ADGRG7: variants seen among roughly 807,000 people sequenced by gnomAD.
ADGRG7 encodes the protein G-protein coupled receptor 128.
In ADGRG7, 82 loss-of-function variants were observed where a neutral mutation model predicts 88.6. The ratio of observed to expected loss-of-function variants is 0.93; its 90% CI spans 0.77 to 1.11. The LOEUF is 1.11. Among genes scored for constraint, ADGRG7 ranks in the 50% most tolerant of loss-of-function variants. ADGRG7 has a pLI of 0.00. For missense variants in ADGRG7, 945 were observed against 953.4 expected (o/e 0.99, Z 0.12); for synonymous variants, 381 against 345.2 (o/e 1.10, Z -1.15).
chr3:100,633,266 G>A lies in ADGRG7; in HGVS notation c.336G>A (p.Ala112=), dbSNP rs114672200. Reference sequence around the variant, plus strand: ...ATAAAAAATTTCTTTGTATTAAAGCGGGCAATCCAATGGCAGTCCGGTTGT... The same window carrying A: ...ATAAAAAATTTCTTTGTATTAAAGCAGGCAATCCAATGGCAGTCCGGTTGT... ...LQTCGKDTPN[A]GNPMAVRLCS... is the part of the protein sequence containing the mutation. The change falls in exon 4 of 16, where the codon GCG becomes GCA. Residue 112 remains alanine (A), a splice_region_variant and synonymous_variant. Transcript: ENST00000273352. 166 of 1,430,344 alleles carry A rather than the reference G, an allele frequency of 1.2e-4. No homozygotes were observed. In the East Asian group the frequency reaches 3.7e-3, roughly 32 times the overall value. The allele number at this position is 1,430,344 out of a possible 1,614,324, so 88.6% of individuals were successfully genotyped here.
At chr3:100,667,660 A>G (rs2094953588) in intron 14 of ADGRG7, among the ~76,000 whole-genome samples, 1 of 152,214 alleles carries the variant, frequency 6.6e-6, no homozygotes, top group Non-Finnish European at 1.5e-5. Flanking sequence ...TCTTTATCAT[A>G]GAATGATTTA....
chr3:100,691,148 T>C (rs1484824117), intron 15 of ADGRG7, among the ~76,000 whole-genome samples: 1 of 152,220 alleles, frequency 6.6e-6, no homozygotes, highest in Non-Finnish European at 1.5e-5. Flanking sequence ...TCCATGGGCG[T>C]AGGACCCTCC....
intron 10 of ADGRG7, 103 bp from the exon 11 acceptor site, chr3:100,649,592 G>T: frequency 5.0e-6 from 3 of 599,906 alleles, no homozygotes; most frequent in East Asian, 2.9e-5. Flanking sequence ...GATATATCTG[G>T]CAACTGTCTG....
At chr3:100,650,079 G>T (rs1419673161) in intron 11 of ADGRG7, among the ~76,000 whole-genome samples, 1 of 152,178 alleles carries the variant, frequency 6.6e-6, no homozygotes, top group Non-Finnish European at 1.5e-5. Context: ...GCTCATTAAT[G>T]CTATAATTCC....
At chr3:100,665,566 G>T (rs1576331569) in intron 14 of ADGRG7, 1 of 376,986 alleles carries the variant, frequency 2.7e-6, no homozygotes, top group East Asian at 7.1e-5. Flanking sequence ...ACAGATCAAG[G>T]TTAAGTATCA....
chr3:100,633,324 C>T lies in ADGRG7; in HGVS notation c.394C>T (p.Gln132Ter), dbSNP rs768591973. 6.3e-7 allele frequency: 1 copy of T among 1,589,618 alleles called. No homozygotes were observed. Residue 132 changes from glutamine (Q) to a stop codon, truncating the protein, a stop_gained, in exon 4 of 16, where the codon CAA becomes TAA. Coordinates refer to ENST00000273352, the MANE Select transcript of ADGRG7 (RefSeq NM_032787.3). LOFTEE classifies it high-confidence loss of function. ...SLSLYGEIEL[Q>*]KVTIGNCNEN... ...CTCTCTATATGGAGAGATAGAATTA[C>T]AAAAAGTGACAATAGGAAATTGCAA... is the stretch of plus-strand genomic sequence containing the variant.
At chr3:100,645,365 G>A (rs763868448) in intron 8 of ADGRG7, among the ~76,000 whole-genome samples, 1 of 152,222 alleles carries the variant, frequency 6.6e-6, no homozygotes, top group Non-Finnish European at 1.5e-5. Flanking sequence ...GCCCATGATT[G>A]TCATGACACA....
intron 3 of ADGRG7, among the ~76,000 whole-genome samples, chr3:100,631,822 T>C (rs1031539251): frequency 6.6e-6 from 1 of 152,174 alleles, no homozygotes; most frequent in South Asian, 2.1e-4. Context: ...ATTTGATTTG[T>C]GGAATTCAAA....
chr3:100,620,250 C>T (rs1176701429), intron 1 of ADGRG7, among the ~76,000 whole-genome samples: 1 of 152,154 alleles, frequency 6.6e-6, no homozygotes, highest in East Asian at 1.9e-4. Context: ...AAGGCTGGTT[C>T]AACATACGCA....
chr3:100,635,823 T>A lies in ADGRG7; in HGVS notation c.594T>A (p.Pro198=). 1 of 1,607,644 alleles carries A rather than the reference T, an allele frequency of 6.2e-7. No homozygotes were observed. The highest frequency in any genetic ancestry group is 1.7e-5 in the Admixed American group (1 of 58,608). Residue 198 remains proline, a synonymous_variant, in exon 5 of 16, where the codon CCT becomes CCA. Transcript: ENST00000273352. The part of the protein sequence containing the change: ...QIFNTSRNAS[P]EAKKVAIVTV... ...TCAACACTTCCAGAAATGCTTCACC[T>A]GAGGTAAAACTCACAGAGCTTTAAA...
At chr3:100,650,888 T>C (rs1309289082) in intron 11 of ADGRG7, among the ~76,000 whole-genome samples, 2 of 152,228 alleles carry the variant, frequency 1.3e-5, no homozygotes, top group Non-Finnish European at 2.9e-5. Context: ...ACTCTTTCTA[T>C]ATTTGTTTGC....
chr3:100,628,744 C>T (rs1243240030), intron 1 of ADGRG7, among the ~76,000 whole-genome samples: 2 of 152,128 alleles, frequency 1.3e-5, no homozygotes, highest in Non-Finnish European at 2.9e-5. Flanking sequence ...AATAACTAGT[C>T]ATTAGATCCT....
intron 3 of ADGRG7, among the ~76,000 whole-genome samples, chr3:100,631,715 T>A (rs1224079786): frequency 2.0e-5 from 3 of 152,210 alleles, no homozygotes. Flanking sequence ...TATTTTTGTA[T>A]GTGTCAAGGG....
At chr3:100,692,459 G>C (rs1463169183) in intron 15 of ADGRG7, among the ~76,000 whole-genome samples, 1 of 152,176 alleles carries the variant, frequency 6.6e-6, no homozygotes, top group Non-Finnish European at 1.5e-5. Flanking sequence ...CACAGTCAAG[G>C]ATTTTCTCTT....
chr3:100,679,182 C>T (rs1222913570), intron 15 of ADGRG7, among the ~76,000 whole-genome samples: 3 of 152,144 alleles, frequency 2.0e-5, no homozygotes, highest in Admixed American at 6.5e-5. Flanking sequence ...AGACAAAGTC[C>T]TTCCCACTCT....
chr3:100,686,420 T>G (rs1442444892), intron 15 of ADGRG7, among the ~76,000 whole-genome samples: 1 of 152,248 alleles, frequency 6.6e-6, no homozygotes, highest in Non-Finnish European at 1.5e-5. Flanking sequence ...TTGCCATTGC[T>G]TTTGGTGTTT....
chr3:100,649,526 C>T (rs969870063), intron 10 of ADGRG7, among the ~76,000 whole-genome samples, 169 bp from the exon 11 acceptor site: 2 of 152,150 alleles, frequency 1.3e-5, no homozygotes, highest in African/African-American at 4.8e-5. Flanking sequence ...AACTGCTCAG[C>T]AATAAGGGGT....
intron 15 of ADGRG7, among the ~76,000 whole-genome samples, chr3:100,692,180 G>A (rs974870022): frequency 1.3e-5 from 2 of 152,160 alleles, no homozygotes; most frequent in African/African-American, 4.8e-5. Context: ...TTTTTGAATT[G>A]CTACCACCAT....
intron 3 of ADGRG7, 145 bp from the exon 4 acceptor site, chr3:100,633,120 A>G: frequency 2.6e-6 from 1 of 391,022 alleles, no homozygotes; most frequent in Non-Finnish European, 4.5e-6. Context: ...AAAAATCAAG[A>G]TAATAAGTGG....
Sources: gnomAD v4.1 joint callset for allele counts (sites outside exome capture counted in the v4.1 genomes callset) on GRCh38, gnomAD v4.1.1 for gene constraint, MANE v1.5 for transcripts, NCBI Gene and HGNC (gene_info 2026-07-23, HGNC 2026-07-21) for gene names.